Variants in EDIL3 observed in about 807,000 individuals in gnomAD.
The protein encoded by EDIL3 is EGF like and discoidin domains 3.
In EDIL3, 37 loss-of-function variants were observed where a neutral mutation model predicts 67.4. That is an observed-to-expected ratio of 0.55 (90% CI 0.42 to 0.72). The LOEUF is 0.72. EDIL3 is among the 30% of genes least tolerant of loss of function. The pLI is 0.00. For synonymous variants in EDIL3, 195 were observed against 196.3 expected (o/e 0.99, Z 0.05); for missense variants, 527 against 586.3 (o/e 0.90, Z 1.04).
At chr5:84,242,229 C>T (rs954403913) in intron 2 of EDIL3, among the ~76,000 whole-genome samples, 8 of 149,390 alleles carry the variant, frequency 5.4e-5, no homozygotes, top group Non-Finnish European at 1.2e-4. Flanking sequence ...GAGACTCTGT[C>T]TCAAAAAAAA....
intron 5 of EDIL3, among the ~76,000 whole-genome samples, chr5:84,120,591 C>G (rs1387593368): frequency 1.3e-5 from 2 of 151,910 alleles, no homozygotes; most frequent in Admixed American, 1.3e-4. Context: ...ATTACTTGTC[C>G]ATGACTAAAA....
At position 84,115,467 on chromosome 5, in the gene EDIL3, T is replaced by G. The variant is rs1485478782; in HGVS notation, c.470-8637A>C. On this transcript the variant is annotated intron_variant, in intron 5 of 10. Coordinates refer to ENST00000296591, the MANE Select transcript of EDIL3 (RefSeq NM_005711.5). ...TTCTCAAATTGATTTGTGAGCATAT[T>G]GATGCAGAATAATGGTTATTATTTA... 2.0e-5 allele frequency among the ~76,000 whole-genome samples: 3 copies of G among 152,176 alleles called. No homozygotes were observed. In the East Asian group the frequency reaches 5.8e-4, roughly 29 times the overall value.
chr5:84,061,247 C>G (rs563028872), intron 8 of EDIL3, among the ~76,000 whole-genome samples: 80 of 152,240 alleles, frequency 5.3e-4, no homozygotes, highest in African/African-American at 1.9e-3. Flanking sequence ...GTAAGATTCT[C>G]AAATCTACCA....
At chr5:84,129,704 TA>T (rs1303346412) in intron 5 of EDIL3, among the ~76,000 whole-genome samples, 1 of 152,162 alleles carries the variant, frequency 6.6e-6, no homozygotes, top group African/African-American at 2.4e-5. Context: ...ATTAAATATT[TA>T]TTTTTCTTTG....
intron 1 of EDIL3, among the ~76,000 whole-genome samples, chr5:84,279,864 A>T (rs4145660): frequency 0.62 from 93,822 of 152,038 alleles, 29,310 homozygotes; most frequent in East Asian, 0.82. Context: ...CTGTACTAAA[A>T]TAAGCATTCC....
intron 3 of EDIL3, among the ~76,000 whole-genome samples, chr5:84,197,256 G>A (rs1246832943): frequency 1.3e-5 from 2 of 152,008 alleles, no homozygotes; most frequent in African/African-American, 2.4e-5. Context: ...AGTGAATACA[G>A]AGAGTTCTGG....
At chr5:84,372,370 A>G (rs1747871947) in intron 1 of EDIL3, among the ~76,000 whole-genome samples, 1 of 152,198 alleles carries the variant, frequency 6.6e-6, no homozygotes, top group South Asian at 2.1e-4. Context: ...GAGTATATTA[A>G]AAGGAGAGAT....
intron 1 of EDIL3, among the ~76,000 whole-genome samples, chr5:84,303,917 G>C (rs1308303662): frequency 6.7e-6 from 1 of 148,770 alleles, no homozygotes; most frequent in Non-Finnish European, 1.5e-5. Flanking sequence ...GGTTAAAGTG[G>C]ATCATGCTAT....
chr5:83,980,864 A>G (rs1744958529), intron 9 of EDIL3, among the ~76,000 whole-genome samples: 1 of 151,742 alleles, frequency 6.6e-6, no homozygotes, highest in Non-Finnish European at 1.5e-5. Flanking sequence ...CGATCTAAAA[A>G]TGAAATTAAG....
intron 5 of EDIL3, among the ~76,000 whole-genome samples, chr5:84,124,616 T>C (rs1306477848): frequency 6.6e-6 from 1 of 151,972 alleles, no homozygotes; most frequent in African/African-American, 2.4e-5. Flanking sequence ...TATTGGCTTA[T>C]CAACTTCATT....
At chr5:84,340,534 C>CTCTCTCTCTCTATATA (rs1432966515) in intron 1 of EDIL3, among the ~76,000 whole-genome samples, 11 of 54,208 alleles carry the variant, frequency 2.0e-4, no homozygotes, top group East Asian at 6.9e-4. Context: ...CTCTCTCTCT[C>CTCTCTCTCTCTATATA]TATATATATA....
rs1408101969 is a variant in EDIL3 at position 83,942,022 on chromosome 5, TC to T, written c.*1396del. The T allele has an allele frequency of 3.3e-5, 5 of 152,104 alleles. No individual in the cohort carries two copies. In the East Asian group the frequency reaches 5.8e-4, roughly 18 times the overall value. 9.4% of individuals were successfully genotyped at this position (152,104 alleles called of 1,614,324 possible). On this transcript the variant is annotated 3_prime_UTR_variant, in exon 11 of 11. Transcript: ENST00000296591. ...ATCTTAACATTTCATACACATACCATCCTTTCTTTTCCAATACACTTAATTT... is the reference window on the plus strand; with the variant it reads ...ATCTTAACATTTCATACACATACCATCTTTCTTTTCCAATACACTTAATTT...
intron 4 of EDIL3, among the ~76,000 whole-genome samples, chr5:84,169,755 G>A (rs1419459007): frequency 6.6e-6 from 1 of 151,424 alleles, no homozygotes; most frequent in African/African-American, 2.4e-5. Context: ...CAATTCCATG[G>A]TATGTATGTA....
At chr5:83,987,281 C>A (rs1745072232) in intron 9 of EDIL3, among the ~76,000 whole-genome samples, 1 of 152,106 alleles carries the variant, frequency 6.6e-6, no homozygotes, top group African/African-American at 2.4e-5. Flanking sequence ...CCTCAAATAA[C>A]ATAAAAGTCT....
intron 1 of EDIL3, among the ~76,000 whole-genome samples, chr5:84,314,468 A>C (rs1247766185): frequency 6.6e-6 from 1 of 152,204 alleles, no homozygotes; most frequent in Non-Finnish European, 1.5e-5. Context: ...AATGCATGCA[A>C]AGGAAAGTCT....
chr5:84,185,731 T>C (rs1743414801), intron 3 of EDIL3, among the ~76,000 whole-genome samples: 1 of 152,152 alleles, frequency 6.6e-6, no homozygotes, highest in Non-Finnish European at 1.5e-5. Flanking sequence ...GATTCCAATG[T>C]GTTTTGTCTC....
At chr5:84,080,516 G>C (rs536595164) in intron 6 of EDIL3, among the ~76,000 whole-genome samples, 1 of 151,882 alleles carries the variant, frequency 6.6e-6, no homozygotes, top group Non-Finnish European at 1.5e-5. Context: ...GCTCATCAAG[G>C]GTCATTTGTG....
chr5:84,096,695 C>G (rs766166654), intron 6 of EDIL3, among the ~76,000 whole-genome samples: 1 of 152,028 alleles, frequency 6.6e-6, no homozygotes, highest in Non-Finnish European at 1.5e-5. Flanking sequence ...GTTGGGAAGG[C>G]ATGATTGGTT....
intron 2 of EDIL3, among the ~76,000 whole-genome samples, chr5:84,251,018 AT>A (rs1447999260): frequency 6.6e-6 from 1 of 152,204 alleles, no homozygotes; most frequent in Non-Finnish European, 1.5e-5. Flanking sequence ...TGTTTTTTAA[AT>A]TCCAATACAC....
Sources: allele counts gnomAD v4.1 joint callset (sites outside exome capture counted in the v4.1 genomes callset), GRCh38; gene constraint gnomAD v4.1.1; transcripts MANE v1.5; gene names NCBI Gene and HGNC (gene_info 2026-07-23, HGNC 2026-07-21).